The following TENM3 variants were observed in gnomAD, a reference collection of about 807,000 sequenced individuals.
The protein encoded by TENM3 is teneurin-3.
A neutral mutation model predicts 255.1 loss-of-function variants in TENM3; 63 were observed. The observed-to-expected ratio is 0.25, with a 90% CI of 0.20 to 0.30. TENM3 has a LOEUF of 0.30. Ranked by LOEUF, TENM3 falls within the 10% of genes least tolerant of loss-of-function variation. The pLI, the probability that TENM3 is intolerant of heterozygous loss-of-function variation, is 1.00. For missense variants in TENM3, 2,929 were observed against 3,461.1 expected (o/e 0.85, Z 3.86); for synonymous variants, 1,306 against 1,322.3 (o/e 0.99, Z 0.27).
chr4:182,784,302 A>T (rs1386569720), intron 24 of TENM3, among the ~76,000 whole-genome samples: 3 of 152,004 alleles, frequency 2.0e-5, no homozygotes, highest in Admixed American at 6.5e-5. Context: ...GGTCTGTTGG[A>T]ATACCCTGCC....
At chr4:182,529,472 C>G (rs1025710065) in intron 3 of TENM3, among the ~76,000 whole-genome samples, 16 of 152,156 alleles carry the variant, frequency 1.1e-4, no homozygotes, top group Non-Finnish European at 4.4e-5. Context: ...TTTGCCCCCA[C>G]TAACTTTTAG....
chr4:181,468,644 A>G, the TENM3 span, among the ~76,000 whole-genome samples: 2 of 152,168 alleles, frequency 1.3e-5, no homozygotes, highest in Non-Finnish European at 2.9e-5. Flanking sequence ...TTCTCCAACT[A>G]GCATGCCCAG....
At chr4:181,605,556 A>T in the TENM3 span, among the ~76,000 whole-genome samples, 891 of 30,514 alleles carry the variant, frequency 0.029, 166 homozygotes, top group East Asian at 0.083. Context: ...GAAAGAAAGA[A>T]AGAAAGAAAG....
chr4:181,555,993 GA>G, the TENM3 span, among the ~76,000 whole-genome samples: 2 of 152,136 alleles, frequency 1.3e-5, no homozygotes, highest in Non-Finnish European at 2.9e-5. Flanking sequence ...AAGGAACTTT[GA>G]CAAGTTCAAA....
At chr4:182,154,662 T>C (rs1750582775) in intron 1 of TENM3, among the ~76,000 whole-genome samples, 1 of 152,172 alleles carries the variant, frequency 6.6e-6, no homozygotes, top group Non-Finnish European at 1.5e-5. Context: ...ACCTCCTCAG[T>C]ACAGTCTGCA....
In TENM3 at chr4:182,650,299, G is replaced by A. The variant is rs556208267; in HGVS notation, c.989-3472G>A. Reference sequence around the variant, plus strand: ...AGTGAGGGACTCAGAAGAGCACAGCGCCCCCAGCTTCTTCTTGCCACTGTC... The same window carrying A: ...AGTGAGGGACTCAGAAGAGCACAGCACCCCCAGCTTCTTCTTGCCACTGTC... On this transcript the variant is annotated intron_variant, in intron 5 of 27. Transcript: ENST00000511685. Among the ~76,000 whole-genome samples the A allele has an allele frequency of 3.3e-5, 5 of 150,040 alleles. 1 individual carries two copies. Among genetic ancestry groups the A allele is most frequent in the South Asian group, 4.4e-4 (2 of 4,550 alleles).
chr4:182,614,538 G>A (rs1416955144), intron 4 of TENM3, among the ~76,000 whole-genome samples: 1 of 152,052 alleles, frequency 6.6e-6, no homozygotes, highest in African/African-American at 2.4e-5. Context: ...TTTTAATCAA[G>A]CCTTGAGACA....
At chr4:182,509,254 A>G (rs557335302) in intron 3 of TENM3, among the ~76,000 whole-genome samples, 25 of 152,312 alleles carry the variant, frequency 1.6e-4, no homozygotes, top group African/African-American at 5.5e-4. Flanking sequence ...GTATCCTCAG[A>G]TGTGTTTAAC....
At chr4:181,900,952 C>T in the TENM3 span, among the ~76,000 whole-genome samples, 10 of 152,244 alleles carry the variant, frequency 6.6e-5, no homozygotes, top group Admixed American at 1.3e-4. Flanking sequence ...CTCTCATTTC[C>T]GTCATTTTCT....
At chr4:182,217,671 A>G (rs1755582804) in intron 1 of TENM3, among the ~76,000 whole-genome samples, 1 of 152,202 alleles carries the variant, frequency 6.6e-6, no homozygotes, top group African/African-American at 2.4e-5. Flanking sequence ...GCCCAAGGCC[A>G]CAAAGCCAAC....
At chr4:181,833,085 T>A in the TENM3 span, among the ~76,000 whole-genome samples, 1 of 151,892 alleles carries the variant, frequency 6.6e-6, no homozygotes, top group Non-Finnish European at 1.5e-5. Flanking sequence ...CTAGAGGAGG[T>A]CTGAAAGAAC....
upstream of TENM3, chr4:182,141,984 C>G (rs2149535708): frequency 6.6e-6 from 1 of 152,302 alleles, no homozygotes; most frequent in South Asian, 2.1e-4. Context: ...AGACCTAATA[C>G]TTTTGTGTGT....
chr4:182,000,892 T>C, the TENM3 span, among the ~76,000 whole-genome samples: 1 of 151,420 alleles, frequency 6.6e-6, no homozygotes, highest in African/African-American at 2.4e-5. Context: ...GATTATATAA[T>C]AAGAAAGTCT....
chr4:181,777,892 T>C, the TENM3 span, among the ~76,000 whole-genome samples: 1 of 152,114 alleles, frequency 6.6e-6, no homozygotes, highest in African/African-American at 2.4e-5. Flanking sequence ...TGAGACAGAA[T>C]CTCATTGGCA....
chr4:182,701,290 G>A (rs1042676194), intron 12 of TENM3, among the ~76,000 whole-genome samples: 32 of 126,378 alleles, frequency 2.5e-4, no homozygotes, highest in Admixed American at 3.0e-4. Flanking sequence ...GCACGATCTC[G>A]GCTCACTGCA....
intron 1 of TENM3, among the ~76,000 whole-genome samples, chr4:182,166,515 A>T (rs1025480019): frequency 2.5e-4 from 38 of 152,074 alleles, no homozygotes; most frequent in African/African-American, 8.5e-4. Context: ...TGCCAAGCGG[A>T]TCTTTGTGTC....
At chr4:181,662,300 A>G in the TENM3 span, among the ~76,000 whole-genome samples, 1 of 152,326 alleles carries the variant, frequency 6.6e-6, no homozygotes, top group East Asian at 1.9e-4. Flanking sequence ...TTTGCATGAT[A>G]CACAGTACAA....
chr4:182,373,470 G>A (rs1051030065), intron 3 of TENM3, among the ~76,000 whole-genome samples: 10 of 152,178 alleles, frequency 6.6e-5, no homozygotes, highest in Non-Finnish European at 1.3e-4. Flanking sequence ...CGTGGAGGAC[G>A]GAAGGGGAGT....
At chr4:182,040,931 A>G in the TENM3 span, among the ~76,000 whole-genome samples, 3 of 152,194 alleles carry the variant, frequency 2.0e-5, no homozygotes, top group African/African-American at 7.2e-5. Flanking sequence ...AAACTACTCC[A>G]AAAGGCTGAA....
Sources: allele counts gnomAD v4.1 joint callset (sites outside exome capture counted in the v4.1 genomes callset), GRCh38; gene constraint gnomAD v4.1.1; transcripts MANE v1.5; gene names NCBI Gene and HGNC (gene_info 2026-07-23, HGNC 2026-07-21).